Variants in GALNT10 observed in about 807,000 individuals in gnomAD.
GALNT10 encodes GalNAc transferase 10.
GALNT10 carries 41 observed loss-of-function variants against 75.0 expected under a neutral mutation model. The ratio of observed to expected loss-of-function variants is 0.55; its 90% CI spans 0.43 to 0.71. GALNT10 has a LOEUF of 0.71. Ranked by LOEUF, GALNT10 falls within the 30% of genes least tolerant of loss-of-function variation. GALNT10 has a pLI of 0.00. For synonymous variants in GALNT10, 302 were observed against 313.0 expected, an observed-to-expected ratio of 0.96 and a Z score of 0.37; for missense variants, 727 against 818.5, an observed-to-expected ratio of 0.89 and a Z score of 1.36.
At chr5:154,340,695 G>A (rs1005727908) in intron 4 of GALNT10, among the ~76,000 whole-genome samples, 3 of 152,180 alleles carry the variant, frequency 2.0e-5, no homozygotes, top group African/African-American at 7.2e-5. Flanking sequence ...AGATACTTCA[G>A]AGCTTCTTCC....
rs141758659 is a variant in GALNT10 at position 154,234,517 on chromosome 5, A to G, written c.159+43492A>G. Among the ~76,000 whole-genome samples the G allele has an allele frequency of 1.1e-3, 166 of 152,390 alleles. 1 individual carries two copies. Among genetic ancestry groups the G allele is most frequent in the Non-Finnish European group, 1.7e-3 (119 of 68,036 alleles). ...CTGTGCCAGGCACTGTTCTAAGCAC[A>G]TCATTACATAGTAACTCTAATCCTC... is the stretch of plus-strand genomic sequence containing the variant. On this transcript the variant is annotated intron_variant, in intron 1 of 11. Transcript: ENST00000297107.
chr5:154,234,234 C>T (rs1268418199), intron 1 of GALNT10, among the ~76,000 whole-genome samples: 10 of 152,144 alleles, frequency 6.6e-5, no homozygotes, highest in Admixed American at 6.5e-4. Context: ...AGAGCCTCTC[C>T]TCATCCCCAC....
intron 3 of GALNT10, among the ~76,000 whole-genome samples, chr5:154,317,561 A>C (rs1044847975): frequency 6.6e-6 from 1 of 152,114 alleles, no homozygotes; most frequent in Non-Finnish European, 1.5e-5. Flanking sequence ...GAACAAGCAA[A>C]GTTCTCCTAT....
At chr5:154,216,614 A>G (rs1009255760) in intron 1 of GALNT10, among the ~76,000 whole-genome samples, 8 of 152,210 alleles carry the variant, frequency 5.3e-5, no homozygotes, top group African/African-American at 1.9e-4. Flanking sequence ...AAAATTAGAA[A>G]TTTGTAATCA....
At chr5:154,411,503 C>T (rs750170551) in intron 9 of GALNT10, among the ~76,000 whole-genome samples, 2 of 152,184 alleles carry the variant, frequency 1.3e-5, no homozygotes, top group South Asian at 2.1e-4. Flanking sequence ...CCACAGGGCG[C>T]GTGAGGAGCA....
chr5:154,308,651 G>C (rs1754468540), intron 3 of GALNT10, among the ~76,000 whole-genome samples: 1 of 152,262 alleles, frequency 6.6e-6, no homozygotes, highest in East Asian at 1.9e-4. Context: ...ACTAGATCAG[G>C]AACTTTATCT....
At chr5:154,217,708 G>T (rs1246055138) in intron 1 of GALNT10, among the ~76,000 whole-genome samples, 1 of 152,184 alleles carries the variant, frequency 6.6e-6, no homozygotes, top group Admixed American at 6.5e-5. Flanking sequence ...TCTCAAGCAG[G>T]TCAGCGCAGG....
chr5:154,342,660 C>T (rs570426807), intron 4 of GALNT10, among the ~76,000 whole-genome samples: 10 of 152,274 alleles, frequency 6.6e-5, no homozygotes, highest in African/African-American at 1.2e-4. Context: ...TCAGCAAAAA[C>T]GCATGGCCCT....
At chr5:154,333,544 G>T (rs1157519614) in intron 4 of GALNT10, among the ~76,000 whole-genome samples, 1 of 152,114 alleles carries the variant, frequency 6.6e-6, no homozygotes, top group Non-Finnish European at 1.5e-5. Flanking sequence ...TAGTGGTAAA[G>T]ATAACAGAAT....
At chr5:154,219,836 TCTCACACACACACA>T (rs1263582816) in intron 1 of GALNT10, among the ~76,000 whole-genome samples, 1 of 134,206 alleles carries the variant, frequency 7.5e-6, no homozygotes, top group Non-Finnish European at 1.6e-5. Flanking sequence ...TCTCTCTCTC[TCTCACACACACACA>T]CACACACACA....
At chr5:154,210,201 C>T (rs1208128639) in intron 1 of GALNT10, among the ~76,000 whole-genome samples, 1 of 152,164 alleles carries the variant, frequency 6.6e-6, no homozygotes, top group African/African-American at 2.4e-5. Flanking sequence ...GCCCCCTACC[C>T]ACACTGTGCC....
At chr5:154,205,734 CAGAG>C (rs1775097765) in intron 1 of GALNT10, among the ~76,000 whole-genome samples, 1 of 152,262 alleles carries the variant, frequency 6.6e-6, no homozygotes, top group Admixed American at 6.5e-5. Flanking sequence ...GATGCAGAGA[CAGAG>C]AGGGAAGACG....
In GALNT10 at chr5:154,198,440, G is replaced by A. The variant is rs150241314; in HGVS notation, c.159+7415G>A. Reference sequence around the variant, plus strand: ...CAATTCTCTGTGGCTTCCCTTTGGCGGAGGTAGGGAGGGCTGCATAACATT... The same window carrying A: ...CAATTCTCTGTGGCTTCCCTTTGGCAGAGGTAGGGAGGGCTGCATAACATT... On this transcript the variant is annotated intron_variant, in intron 1 of 11. Transcript: ENST00000297107. 4.6e-3 allele frequency among the ~76,000 whole-genome samples: 703 copies of A among 152,336 alleles called. 1 individual carries two copies. Among genetic ancestry groups the A allele is most frequent in the Non-Finnish European group, 8.3e-3 (562 of 68,036 alleles).
At chr5:154,413,083 G>A (rs935059548) in intron 10 of GALNT10, 78 bp downstream of exon 10, 31 of 869,756 alleles carry the variant, frequency 3.6e-5, no homozygotes, top group Non-Finnish European at 5.7e-5. Flanking sequence ...CGGCCAGCTG[G>A]GAGGGAGAGG....
At chr5:154,216,535 T>G (rs1752874466) in intron 1 of GALNT10, among the ~76,000 whole-genome samples, 1 of 152,234 alleles carries the variant, frequency 6.6e-6, no homozygotes, top group Non-Finnish European at 1.5e-5. Flanking sequence ...GTTCAGATTA[T>G]TTGTGTTCAT....
At chr5:154,360,461 A>C (rs985662161) in intron 4 of GALNT10, among the ~76,000 whole-genome samples, 15 of 151,972 alleles carry the variant, frequency 9.9e-5, no homozygotes, top group Non-Finnish European at 1.8e-4. Flanking sequence ...AAAAAAAAAA[A>C]AAAAACAAAA....
intron 4 of GALNT10, among the ~76,000 whole-genome samples, chr5:154,336,835 C>T (rs1754951529): frequency 1.3e-5 from 2 of 152,176 alleles, no homozygotes; most frequent in Non-Finnish European, 2.9e-5. Flanking sequence ...TGCATTCACT[C>T]TTTTATTATC....
At chr5:154,287,073 A>G (rs1471916652) in intron 1 of GALNT10, among the ~76,000 whole-genome samples, 1 of 152,210 alleles carries the variant, frequency 6.6e-6, no homozygotes, top group Non-Finnish European at 1.5e-5. Flanking sequence ...TTTTCTCTGA[A>G]TGAAAACAAA....
intron 1 of GALNT10, among the ~76,000 whole-genome samples, chr5:154,239,694 AC>A (rs998173627): frequency 6.6e-6 from 1 of 152,182 alleles, no homozygotes; most frequent in Non-Finnish European, 1.5e-5. Context: ...TGCTGGGGTT[AC>A]AGATGTGAAC....
Sources: gnomAD v4.1 joint callset for allele counts (sites outside exome capture counted in the v4.1 genomes callset) on GRCh38, gnomAD v4.1.1 for gene constraint, MANE v1.5 for transcripts, NCBI Gene and HGNC (gene_info 2026-07-23, HGNC 2026-07-21) for gene names.